The following ZPLD1 variants were observed in gnomAD, a reference collection of about 807,000 sequenced individuals.
ZPLD1 encodes the protein zona pellucida-like domain-containing protein 1.
Under a neutral mutation model 47.2 loss-of-function variants are expected in ZPLD1, and 34 were observed. That is an observed-to-expected ratio of 0.72 (90% CI 0.55 to 0.96). The LOEUF (loss-of-function observed/expected upper bound fraction) is 0.96. ZPLD1 is among the 40% of genes least tolerant of loss of function. ZPLD1 has a pLI of 0.00. For missense variants in ZPLD1, 512 were observed against 505.8 expected (o/e 1.01, Z -0.12); for synonymous variants, 176 against 186.2 (o/e 0.95, Z 0.45).
At chr3:102,432,383 T>TA (rs1359326160), upstream of ZPLD1, among the ~76,000 whole-genome samples, 1 of 152,210 alleles carries the variant, frequency 6.6e-6, no homozygotes, top group Non-Finnish European at 1.5e-5. Context: ...ATCTGTATGA[T>TA]AAAAAACTAG....
chr3:102,456,740 G>A (rs147101017), intron 5 of ZPLD1, among the ~76,000 whole-genome samples: 4 of 152,246 alleles, frequency 2.6e-5, no homozygotes, highest in Admixed American at 6.5e-5. Context: ...GCCCTGTGGC[G>A]TCTCCAGTGT....
chr3:102,468,173 G>A (rs773073657), intron 8 of ZPLD1, among the ~76,000 whole-genome samples: 21 of 152,024 alleles, frequency 1.4e-4, no homozygotes, highest in Admixed American at 1.0e-3. Flanking sequence ...CATACATTTC[G>A]CTGATGTAGC....
intron 6 of ZPLD1, among the ~76,000 whole-genome samples, chr3:102,387,553 G>T (rs900614733): frequency 6.6e-6 from 1 of 151,932 alleles, no homozygotes; most frequent in Non-Finnish European, 1.5e-5. Flanking sequence ...ACTGGCTCTT[G>T]GATCAAAGTT....
chr3:102,450,585 G>T (rs1293140077), intron 3 of ZPLD1, among the ~76,000 whole-genome samples: 1 of 152,128 alleles, frequency 6.6e-6, no homozygotes, highest in African/African-American at 2.4e-5. Context: ...CCTAGTTCAA[G>T]ATTTGGTCTT....
chr3:102,396,059 A>AT (rs1219887238), intron 7 of ZPLD1, among the ~76,000 whole-genome samples: 1 of 151,948 alleles, frequency 6.6e-6, no homozygotes, highest in Non-Finnish European at 1.5e-5. Context: ...TCATGGTTCA[A>AT]TTTTTTCTTT....
chr3:102,424,670 A>G (rs1458353036), intron 8 of ZPLD1, among the ~76,000 whole-genome samples: 1 of 152,138 alleles, frequency 6.6e-6, no homozygotes, highest in African/African-American at 2.4e-5. Flanking sequence ...ACTATGACTC[A>G]CAGTAAGATA....
At chr3:102,395,111 T>G (rs1427537756) in intron 7 of ZPLD1, among the ~76,000 whole-genome samples, 1 of 152,030 alleles carries the variant, frequency 6.6e-6, no homozygotes, top group Non-Finnish European at 1.5e-5. Flanking sequence ...GCTTAAGGTC[T>G]AAATGCTTGA....
At chr3:102,474,183 T>G (rs1477783282) in intron 10 of ZPLD1, among the ~76,000 whole-genome samples, 1 of 152,198 alleles carries the variant, frequency 6.6e-6, no homozygotes, top group Admixed American at 6.5e-5. Flanking sequence ...TTTCCTGAAG[T>G]GTTCTTATTT....
chr3:102,471,474 A>G (rs1477999989), intron 10 of ZPLD1, among the ~76,000 whole-genome samples: 3 of 152,234 alleles, frequency 2.0e-5, no homozygotes, highest in African/African-American at 4.8e-5. Flanking sequence ...ATGAATTCAT[A>G]TAATCTAATG....
At chr3:102,457,739 T>C (rs772259837) in intron 5 of ZPLD1, 42 bp from the exon 6 acceptor site, 3 of 1,590,172 alleles carry the variant, frequency 1.9e-6, no homozygotes, top group Non-Finnish European at 2.6e-6. Context: ...ACTTTTACTC[T>C]AAAATCTCAT....
At chr3:102,436,792 A>T in intron 1 of ZPLD1, 68 bp from the exon 2 acceptor site, 1 of 655,810 alleles carries the variant, frequency 1.5e-6, no homozygotes, top group South Asian at 6.8e-5. Context: ...AATATATGTT[A>T]GCTAGAAAGC....
At chr3:102,447,106 G>A (rs575042735) in intron 3 of ZPLD1, among the ~76,000 whole-genome samples, 5 of 151,766 alleles carry the variant, frequency 3.3e-5, no homozygotes, top group East Asian at 1.9e-4. Context: ...TCGCTCTGTC[G>A]CCAGGCTGGA....
At chr3:102,428,386 A>G (rs1199423120) in intron 8 of ZPLD1, among the ~76,000 whole-genome samples, 2 of 152,306 alleles carry the variant, frequency 1.3e-5, no homozygotes, top group East Asian at 3.9e-4. Flanking sequence ...GTTTAAAAAT[A>G]TATTCTAGAG....
intron 8 of ZPLD1, among the ~76,000 whole-genome samples, chr3:102,467,614 C>T (rs1559761034): frequency 6.6e-6 from 1 of 151,832 alleles, no homozygotes; most frequent in Non-Finnish European, 1.5e-5. Context: ...ACATGGATAA[C>T]AGTAAGATAA....
At chr3:102,473,196 C>T (rs542597779) in intron 10 of ZPLD1, among the ~76,000 whole-genome samples, 20 of 152,166 alleles carry the variant, frequency 1.3e-4, no homozygotes, top group African/African-American at 3.4e-4. Context: ...TGGGTGGGGA[C>T]GCAAACCGTA....
intron 6 of ZPLD1, among the ~76,000 whole-genome samples, chr3:102,391,472 G>A (rs995495609): frequency 4.6e-5 from 7 of 152,132 alleles, no homozygotes; most frequent in African/African-American, 1.4e-4. Context: ...ATGATATGAT[G>A]TGATTTCTGA....
upstream of ZPLD1, among the ~76,000 whole-genome samples, chr3:102,431,305 T>C (rs1332247787): frequency 6.6e-6 from 1 of 152,196 alleles, no homozygotes; most frequent in Admixed American, 6.5e-5. Context: ...TTAAGAGCCA[T>C]AAAATTTCTG....
At chr3:102,424,505 C>T (rs1483307005) in intron 8 of ZPLD1, among the ~76,000 whole-genome samples, 1 of 152,126 alleles carries the variant, frequency 6.6e-6, no homozygotes, top group African/African-American at 2.4e-5. Context: ...CATTTTCTCT[C>T]AACATTGTTC....
intron 6 of ZPLD1, among the ~76,000 whole-genome samples, chr3:102,458,874 G>T (rs1013218937): frequency 2.6e-5 from 4 of 152,034 alleles, no homozygotes; most frequent in African/African-American, 9.7e-5. Flanking sequence ...TGGATCACGA[G>T]GTCAGGAGAT....
Sources: gnomAD v4.1 joint callset for allele counts (sites outside exome capture counted in the v4.1 genomes callset) on GRCh38, gnomAD v4.1.1 for gene constraint, MANE v1.5 for transcripts, NCBI Gene and HGNC (gene_info 2026-07-23, HGNC 2026-07-21) for gene names.